The following SRPK1 variants were observed in gnomAD, a reference collection of about 807,000 sequenced individuals.
The protein encoded by SRPK1 is SRSF protein kinase 1, also known as SFRS protein kinase 1.
SRPK1 carries 52 observed loss-of-function variants against 89.5 expected under a neutral mutation model. The ratio of observed to expected loss-of-function variants is 0.58; its 90% CI spans 0.46 to 0.73. The LOEUF (loss-of-function observed/expected upper bound fraction) is 0.73. Among genes scored for constraint, SRPK1 ranks in the 30% least tolerant of loss-of-function variants. SRPK1 has a pLI of 0.00. For synonymous variants in SRPK1, 255 were observed against 270.2 expected (o/e 0.94, Z 0.55); for missense variants, 603 against 780.6 (o/e 0.77, Z 2.71).
At chr6:35,918,375 C>A (rs1429895161) in intron 2 of SRPK1, among the ~76,000 whole-genome samples, 1 of 151,974 alleles carries the variant, frequency 6.6e-6, no homozygotes, top group African/African-American at 2.4e-5. Context: ...GTGGCACACG[C>A]CTGTAGTCCC....
chr6:35,846,804 C>T (rs891858035), intron 13 of SRPK1, among the ~76,000 whole-genome samples: 3 of 152,146 alleles, frequency 2.0e-5, no homozygotes, highest in African/African-American at 7.2e-5. Flanking sequence ...AGCCCAGGAC[C>T]TGATGGCTTC....
intron 13 of SRPK1, among the ~76,000 whole-genome samples, chr6:35,854,613 C>T (rs749860201): frequency 1.3e-5 from 2 of 152,044 alleles, no homozygotes; most frequent in African/African-American, 2.4e-5. Flanking sequence ...AGATTAATTA[C>T]GCCTTTATCT....
intron 13 of SRPK1, among the ~76,000 whole-genome samples, chr6:35,855,704 AGTTTATAT>A (rs1032110558): frequency 1.3e-5 from 2 of 152,076 alleles, no homozygotes; most frequent in African/African-American, 4.8e-5. Context: ...ACCATATCTA[AGTTTATAT>A]TAACAAAGTG....
intron 12 of SRPK1, among the ~76,000 whole-genome samples, chr6:35,865,514 A>C (rs1381698066): frequency 6.6e-6 from 1 of 152,186 alleles, no homozygotes; most frequent in African/African-American, 2.4e-5. Flanking sequence ...AAAAGAAAAA[A>C]GCTAGAGGCA....
intron 6 of SRPK1, among the ~76,000 whole-genome samples, chr6:35,883,168 C>T (rs886811648): frequency 6.6e-6 from 1 of 152,116 alleles, no homozygotes; most frequent in African/African-American, 2.4e-5. Context: ...CCTTCAATCC[C>T]AGCACTTTGG....
At chr6:35,862,606 CATAA>C (rs748854079) in intron 12 of SRPK1, among the ~76,000 whole-genome samples, 33 of 152,078 alleles carry the variant, frequency 2.2e-4, no homozygotes, top group Admixed American at 6.6e-4. Flanking sequence ...ACACAGAAAA[CATAA>C]ATAAACAAGT....
intron 1 of SRPK1, 187 bp downstream of exon 1, chr6:35,920,857 G>A (rs759170733): frequency 6.5e-5 from 37 of 565,106 alleles, no homozygotes; most frequent in Non-Finnish European, 9.7e-5. Flanking sequence ...GGCGCCAGAG[G>A]ACGCCCGGAC....
At position 35,890,996 on chromosome 6, in the gene SRPK1, C is replaced by T. The variant is rs992165836; in HGVS notation, c.92G>A (p.Arg31Gln). 1.1e-5 allele frequency: 17 copies of T among 1,551,540 alleles called. No homozygotes were observed. The highest frequency in any genetic ancestry group is 2.4e-5 in the East Asian group (1 of 41,028). The change falls in exon 3 of 16, where the codon CGA becomes CAA. Residue 31 changes from arginine (R) to glutamine (Q), a missense_variant. Coordinates refer to ENST00000373825, the MANE Select transcript of SRPK1 (RefSeq NM_003137.5). ...ACTCTCAGAGTGGGGAGCAGAGCCT[C>T]GGTGCTGAGTTTCAGATCTAAGAAA... Reference protein sequence around the residue: ...KAQRKSETQHRGSAPHSESDL... With the variant: ...KAQRKSETQHQGSAPHSESDL...
At chr6:35,884,387 G>A (rs1770360442) in intron 6 of SRPK1, among the ~76,000 whole-genome samples, 1 of 152,134 alleles carries the variant, frequency 6.6e-6, no homozygotes, top group African/African-American at 2.4e-5. Context: ...ATTTTAATAT[G>A]AGAAACGATA....
intron 13 of SRPK1, among the ~76,000 whole-genome samples, chr6:35,850,942 A>G (rs1047912564): frequency 1.3e-5 from 2 of 152,240 alleles, no homozygotes; most frequent in African/African-American, 4.8e-5. Flanking sequence ...AAGACTAGGG[A>G]AAGAAAATAG....
At chr6:35,920,871 G>A in intron 1 of SRPK1, 173 bp downstream of exon 1, 2 of 642,240 alleles carry the variant, frequency 3.1e-6, no homozygotes, top group South Asian at 4.9e-5. Flanking sequence ...CCCGGACTGA[G>A]GGGCGCGGAC....
chr6:35,858,085 C>A (rs938693362), intron 12 of SRPK1, among the ~76,000 whole-genome samples: 1 of 151,808 alleles, frequency 6.6e-6, no homozygotes, highest in Non-Finnish European at 1.5e-5. Context: ...TCTTTTTGTC[C>A]TTCATTATTC....
intron 15 of SRPK1, among the ~76,000 whole-genome samples, chr6:35,836,980 T>C (rs1317598093): frequency 6.6e-6 from 1 of 151,976 alleles, no homozygotes; most frequent in Non-Finnish European, 1.5e-5. Context: ...CTGCCAAGGA[T>C]TGAGAAAAGT....
intron 6 of SRPK1, among the ~76,000 whole-genome samples, chr6:35,885,195 T>C (rs1261788403): frequency 1.3e-5 from 2 of 150,786 alleles, no homozygotes; most frequent in African/African-American, 4.9e-5. Flanking sequence ...AAAACAGATA[T>C]GGCCATCACG....
chr6:35,865,740 T>G (rs764045436), intron 12 of SRPK1, among the ~76,000 whole-genome samples: 1 of 152,148 alleles, frequency 6.6e-6, no homozygotes, highest in Non-Finnish European at 1.5e-5. Flanking sequence ...TGGACTGCCA[T>G]ATGCAGACGA....
At position 35,920,640 on chromosome 6, in the gene SRPK1, G is replaced by T. The variant is rs967933842; in HGVS notation, c.14-112C>A. The T allele has an allele frequency of 1.3e-4, 111 of 833,840 alleles. 1 individual carries two copies. Among genetic ancestry groups the T allele is most frequent in the South Asian group, 1.0e-3 (31 of 30,260 alleles). The allele number at this position is 833,840 out of a possible 1,614,324, so 51.7% of individuals were successfully genotyped here. On this transcript the variant is annotated intron_variant, in intron 1 of 15. Transcript: ENST00000373825. ...CCCGGCTGCGGGGCCTGCCTCGGGG[G>T]CGGCTGCGGGCTCCGGCGAGGCGGC... is the stretch of plus-strand genomic sequence containing the variant.
chr6:35,893,178 A>G (rs1770555950), intron 2 of SRPK1, among the ~76,000 whole-genome samples: 1 of 152,196 alleles, frequency 6.6e-6, no homozygotes, highest in African/African-American at 2.4e-5. Context: ...CTCTGATTCA[A>G]ACTTAATGAA....
At chr6:35,918,551 A>C (rs1196609927) in intron 2 of SRPK1, among the ~76,000 whole-genome samples, 3 of 152,202 alleles carry the variant, frequency 2.0e-5, no homozygotes, top group Admixed American at 6.5e-5. Flanking sequence ...AACAAACAAA[A>C]AAAACTTATT....
At chr6:35,876,633 C>A (rs1217850221) in intron 6 of SRPK1, among the ~76,000 whole-genome samples, 3 of 152,092 alleles carry the variant, frequency 2.0e-5, no homozygotes, top group Non-Finnish European at 4.4e-5. Flanking sequence ...CACAGTGACA[C>A]CCCGTCACAA....
Sources: allele counts gnomAD v4.1 joint callset (sites outside exome capture counted in the v4.1 genomes callset), GRCh38; gene constraint gnomAD v4.1.1; transcripts MANE v1.5; gene names NCBI Gene and HGNC (gene_info 2026-07-23, HGNC 2026-07-21).